The following PCBP3 variants were observed in gnomAD, a reference collection of about 807,000 sequenced individuals.
PCBP3 encodes the protein poly(rC) binding protein 3, also known as poly(rC)-binding protein 3.
A neutral mutation model predicts 52.7 loss-of-function variants in PCBP3; 25 were observed. The ratio of observed to expected loss-of-function variants is 0.47; its 90% confidence interval spans 0.35 to 0.66. The LOEUF is 0.66. PCBP3 is among the 30% of genes least tolerant of loss of function. The pLI, the probability that PCBP3 is intolerant of heterozygous loss-of-function variation, is 0.01. For synonymous variants in PCBP3, 162 were observed against 183.0 expected, an observed-to-expected ratio of 0.89 and a Z score of 0.93; for missense variants, 391 against 490.3, an observed-to-expected ratio of 0.80 and a Z score of 1.91.
At chr21:45,646,805 C>A (rs2079342395) in intron 1 of PCBP3, among the ~76,000 whole-genome samples, 1 of 152,200 alleles carries the variant, frequency 6.6e-6, no homozygotes, top group African/African-American at 2.4e-5. Context: ...TATGTAGGGG[C>A]AACTTGTTCC....
At chr21:45,673,949 G>A (rs966846767) in intron 2 of PCBP3, among the ~76,000 whole-genome samples, 2 of 152,108 alleles carry the variant, frequency 1.3e-5, no homozygotes, top group Non-Finnish European at 2.9e-5. Context: ...AATCCAAAAT[G>A]GTGACACAGA....
At chr21:45,826,646 G>A (rs183550903) in intron 4 of PCBP3, among the ~76,000 whole-genome samples, 1 of 152,116 alleles carries the variant, frequency 6.6e-6, no homozygotes. Flanking sequence ...GAAGAAGAAG[G>A]CCAGCCAGCC....
chr21:45,697,546 A>G (rs1476089529), intron 2 of PCBP3, among the ~76,000 whole-genome samples: 1 of 152,022 alleles, frequency 6.6e-6, no homozygotes, highest in Non-Finnish European at 1.5e-5. Flanking sequence ...GGAGTTTGAG[A>G]CCAGCCTAGA....
chr21:45,767,196 C>T (rs1286991575), intron 4 of PCBP3, among the ~76,000 whole-genome samples: 2 of 152,138 alleles, frequency 1.3e-5, no homozygotes, highest in Non-Finnish European at 2.9e-5. Flanking sequence ...GCCCTGTGCC[C>T]GTTAAGCAGT....
At chr21:45,708,815 A>G (rs2083628385) in intron 2 of PCBP3, among the ~76,000 whole-genome samples, 2 of 152,326 alleles carry the variant, frequency 1.3e-5, no homozygotes, top group African/African-American at 2.4e-5. Context: ...AGGGCGGAAG[A>G]ATCCTTTGTT....
At chr21:45,820,503 G>A (rs1475112006) in intron 4 of PCBP3, among the ~76,000 whole-genome samples, 1 of 152,244 alleles carries the variant, frequency 6.6e-6, no homozygotes, top group Non-Finnish European at 1.5e-5. Flanking sequence ...GGTGGCTTGG[G>A]TTCTGCGGGC....
At chr21:45,834,364 C>T (rs1489978299) in intron 4 of PCBP3, among the ~76,000 whole-genome samples, 1 of 152,142 alleles carries the variant, frequency 6.6e-6, no homozygotes, top group Non-Finnish European at 1.5e-5. Context: ...AAATGCTTTC[C>T]TAGAGGCTGA....
At chr21:45,669,842 T>TAC (rs2081064239) in intron 2 of PCBP3, among the ~76,000 whole-genome samples, 5 of 140,276 alleles carry the variant, frequency 3.6e-5, no homozygotes, top group African/African-American at 5.2e-5. Context: ...TATATATATA[T>TAC]ATATCACATT....
intron 4 of PCBP3, among the ~76,000 whole-genome samples, chr21:45,820,278 G>A (rs1341178064): frequency 1.3e-5 from 2 of 152,258 alleles, no homozygotes; most frequent in Non-Finnish European, 2.9e-5. Context: ...TGGGCACCAC[G>A]GGCCAGCACA....
At chr21:45,931,723 G>A (rs759043567) in intron 15 of PCBP3, among the ~76,000 whole-genome samples, 5 of 144,156 alleles carry the variant, frequency 3.5e-5, no homozygotes, top group South Asian at 2.3e-4. Context: ...GAACAAACAC[G>A]TCGGCCGTGC....
chr21:45,843,156 G>C (rs1290695826), intron 4 of PCBP3, among the ~76,000 whole-genome samples: 1 of 152,154 alleles, frequency 6.6e-6, no homozygotes, highest in South Asian at 2.1e-4. Flanking sequence ...CAGCTTTCAG[G>C]GTTCTCTTCT....
At chr21:45,806,636 A>G (rs916828089) in intron 4 of PCBP3, among the ~76,000 whole-genome samples, 2 of 151,998 alleles carry the variant, frequency 1.3e-5, no homozygotes, top group Admixed American at 1.3e-4. Context: ...CTTTTTTAGA[A>G]TGAGGAGCTG....
At chr21:45,939,110 G>A (rs1234292491) in intron 16 of PCBP3, among the ~76,000 whole-genome samples, 1 of 152,240 alleles carries the variant, frequency 6.6e-6, no homozygotes, top group East Asian at 1.9e-4. Context: ...GGCCCTCGGG[G>A]ACCCATGTGC....
intron 15 of PCBP3, among the ~76,000 whole-genome samples, chr21:45,932,420 T>G (rs560885877): frequency 6.7e-6 from 1 of 148,646 alleles, no homozygotes; most frequent in African/African-American, 2.5e-5. Context: ...CTGAGATGAA[T>G]GAACACATCG....
Position 45,802,752 on chromosome 21 carries a change from G to T in PCBP3, c.-125-47209G>T, listed in dbSNP as rs2092353628. Among the ~76,000 whole-genome samples, 1 of 152,180 alleles carries T rather than the reference G, an allele frequency of 6.6e-6. No individual in the cohort carries two copies. The highest frequency in any genetic ancestry group is 1.5e-5 in the Non-Finnish European group (1 of 68,022). On this transcript the variant is annotated intron_variant, in intron 4 of 17. Transcript: ENST00000681687. The surrounding 1 kb of genome is among the most constrained non-coding windows in gnomAD (Gnocchi z 5.1). ...CGTGTCCCCAAGGACCCCAGGCAGG[G>T]CCTCCAGGGCTGGTGCTGGGAGGAG... is the stretch of plus-strand genomic sequence containing the variant.
At chr21:45,672,087 G>GTTAATGGA (rs964365834) in intron 2 of PCBP3, among the ~76,000 whole-genome samples, 1 of 152,138 alleles carries the variant, frequency 6.6e-6, no homozygotes. Flanking sequence ...CTATTCATGG[G>GTTAATGGA]TTAATGGATT....
intron 5 of PCBP3, among the ~76,000 whole-genome samples, chr21:45,865,396 G>A (rs755193731): frequency 1.3e-5 from 2 of 152,208 alleles, no homozygotes; most frequent in African/African-American, 2.4e-5. Context: ...CTGCGCGGCC[G>A]GTGCTACTGG....
intron 4 of PCBP3, among the ~76,000 whole-genome samples, chr21:45,847,466 G>T (rs1385992202): frequency 1.3e-5 from 2 of 152,160 alleles, no homozygotes; most frequent in African/African-American, 4.8e-5. Context: ...AAATTTCCCA[G>T]TGGTCTCTTG....
chr21:45,683,716 G>A (rs544030059), intron 2 of PCBP3, among the ~76,000 whole-genome samples: 21 of 152,190 alleles, frequency 1.4e-4, no homozygotes, highest in Non-Finnish European at 2.5e-4. Context: ...CACGAGGTCA[G>A]GAGATCGAGA....
Sources: gnomAD v4.1 joint callset for allele counts (sites outside exome capture counted in the v4.1 genomes callset) on GRCh38, gnomAD v4.1.1 for gene constraint, Gnocchi (gnomAD v3.1) non-coding constraint, MANE v1.5 for transcripts, NCBI Gene and HGNC (gene_info 2026-07-23, HGNC 2026-07-21) for gene names.